RB1: variants seen among roughly 807,000 people sequenced by gnomAD.
The protein encoded by RB1 is RB transcriptional corepressor 1, also known as retinoblastoma-associated protein.
RB1 carries 18 observed loss-of-function variants against 135.4 expected under a neutral mutation model. That is an observed-to-expected ratio of 0.13 (90% CI 0.09 to 0.20). The LOEUF (loss-of-function observed/expected upper bound fraction) is 0.20, where lower values mean the gene tolerates loss of function less well. RB1 is among the 10% of genes least tolerant of loss of function. The pLI, the probability that RB1 is intolerant of heterozygous loss-of-function variation, is 1.00. For missense variants in RB1, 868 were observed against 1,110.0 expected (o/e 0.78, Z 3.10); for synonymous variants, 365 against 373.2 (o/e 0.98, Z 0.25).
intron 17 of RB1, among the ~76,000 whole-genome samples, chr13:48,443,683 C>T (rs1949260030): frequency 1.3e-5 from 2 of 152,124 alleles, no homozygotes; most frequent in Non-Finnish European, 2.9e-5. Flanking sequence ...GTTTAGTGTT[C>T]AGGGCACCAA....
intron 2 of RB1, among the ~76,000 whole-genome samples, chr13:48,321,314 C>G (rs982567417): frequency 6.9e-6 from 1 of 145,850 alleles, no homozygotes; most frequent in Non-Finnish European, 1.5e-5. Flanking sequence ...GCTTATTTCA[C>G]TTAGCATAAT....
chr13:48,412,251 T>C (rs748857151), intron 17 of RB1: 1 of 1,614,104 alleles, frequency 6.2e-7, no homozygotes, highest in Non-Finnish European at 8.5e-7. Flanking sequence ...CATTGCCAAG[T>C]TAATCATGTA....
At chr13:48,410,211 A>G (rs1948781258) in intron 17 of RB1, among the ~76,000 whole-genome samples, 1 of 152,244 alleles carries the variant, frequency 6.6e-6, no homozygotes, top group South Asian at 2.1e-4. Context: ...CAATGACCGC[A>G]TAAACGATGG....
At chr13:48,439,981 TAA>T (rs906395755) in intron 17 of RB1, among the ~76,000 whole-genome samples, 22 of 152,118 alleles carry the variant, frequency 1.4e-4, no homozygotes, top group African/African-American at 4.8e-4. Context: ...CATATATACA[TAA>T]GTCTAAATAT....
chr13:48,313,492 G>GT (rs934938838), intron 2 of RB1, among the ~76,000 whole-genome samples: 4 of 145,898 alleles, frequency 2.7e-5, no homozygotes, highest in Non-Finnish European at 6.0e-5. Context: ...AAGTCATATG[G>GT]TTTTTAGTTC....
At chr13:48,323,911 T>C (rs556988096) in intron 2 of RB1, among the ~76,000 whole-genome samples, 2 of 152,194 alleles carry the variant, frequency 1.3e-5, no homozygotes, top group Admixed American at 6.5e-5. Flanking sequence ...TGGGGGATAC[T>C]AACATTTTTC....
intron 12 of RB1, among the ~76,000 whole-genome samples, chr13:48,374,330 G>T (rs1269428084): frequency 6.6e-6 from 1 of 152,112 alleles, no homozygotes; most frequent in African/African-American, 2.4e-5. Context: ...CTCAGATGAG[G>T]ATTGGGACCC....
At chr13:48,392,039 G>C (rs1011469873) in intron 17 of RB1, among the ~76,000 whole-genome samples, 1 of 152,120 alleles carries the variant, frequency 6.6e-6, no homozygotes, top group Non-Finnish European at 1.5e-5. Context: ...TGAATTCTAG[G>C]TTGACAGTCT....
At chr13:48,386,139 C>T (rs1206552085) in intron 17 of RB1, among the ~76,000 whole-genome samples, 1 of 151,148 alleles carries the variant, frequency 6.6e-6, no homozygotes, top group African/African-American at 2.4e-5. Flanking sequence ...GACTCTGTCT[C>T]AAAAAAATAA....
chr13:48,456,470 A>G, intron 19 of RB1, 121 bp downstream of exon 19: 1 of 1,359,682 alleles, frequency 7.4e-7, no homozygotes, highest in Non-Finnish European at 1.0e-6. Context: ...TCTGTGTCTC[A>G]GTTTCCTCAT....
chr13:48,474,401 G>T (rs1949491410), intron 24 of RB1, among the ~76,000 whole-genome samples: 1 of 151,992 alleles, frequency 6.6e-6, no homozygotes, highest in Non-Finnish European at 1.5e-5. Flanking sequence ...GAAATTCGAA[G>T]GGTTTTAGGA....
intron 2 of RB1, chr13:48,327,985 A>AG: frequency 1.8e-6 from 1 of 569,082 alleles, no homozygotes; most frequent in Non-Finnish European, 3.2e-6. Flanking sequence ...AGAAAAAAAA[A>AG]GTGGCTCCAA....
chr13:48,409,020 G>A (rs1273102358), intron 17 of RB1, among the ~76,000 whole-genome samples: 1 of 151,736 alleles, frequency 6.6e-6, no homozygotes, highest in African/African-American at 2.4e-5. Flanking sequence ...ATTTACTGAA[G>A]TGTAATATCA....
At chr13:48,392,761 TCTC>T (rs1948620620) in intron 17 of RB1, among the ~76,000 whole-genome samples, 1 of 152,062 alleles carries the variant, frequency 6.6e-6, no homozygotes, top group African/African-American at 2.4e-5. Context: ...TCTCTCTCTC[TCTC>T]TCTTTTTTTT....
intron 17 of RB1, among the ~76,000 whole-genome samples, chr13:48,387,621 C>T (rs1034420290): frequency 1.3e-5 from 2 of 151,970 alleles, no homozygotes; most frequent in Non-Finnish European, 2.9e-5. Context: ...AAAATTGACT[C>T]ATTATTGTAG....
intron 2 of RB1, among the ~76,000 whole-genome samples, chr13:48,335,145 G>A (rs1275229471): frequency 4.0e-5 from 6 of 151,828 alleles, no homozygotes; most frequent in Non-Finnish European, 8.8e-5. Context: ...CAAAATATGT[G>A]CAGAACTTTT....
At chr13:48,320,688 G>A (rs569819123) in intron 2 of RB1, among the ~76,000 whole-genome samples, 3 of 152,032 alleles carry the variant, frequency 2.0e-5, no homozygotes, top group South Asian at 4.1e-4. Flanking sequence ...AAAATTAGCC[G>A]GGCGTGGTGG....
Position 48,319,964 on chromosome 13 carries a change from A to G in RB1, c.264+12558A>G. 2.8e-6 allele frequency: 1 copy of G among 359,236 alleles called. No homozygotes were observed. Among genetic ancestry groups the G allele is most frequent in the South Asian group, 3.5e-5 (1 of 28,776 alleles). The allele number at this position is 359,236 out of a possible 1,614,324, so 22.3% of individuals were successfully genotyped here. On this transcript the variant is annotated intron_variant, in intron 2 of 26. Transcript: ENST00000267163. The surrounding 1 kb of genome is among the most constrained non-coding windows in gnomAD (Gnocchi z 5.0). Reference sequence around the variant, plus strand: ...GGAAGTCGGGGCACTGCCGTGAGATAGTTCTGGCTTACATCTACTGCCACT... The same window carrying G: ...GGAAGTCGGGGCACTGCCGTGAGATGGTTCTGGCTTACATCTACTGCCACT...
intron 8 of RB1, among the ~76,000 whole-genome samples, chr13:48,363,659 C>A (rs897157095): frequency 6.6e-6 from 1 of 152,106 alleles, no homozygotes; most frequent in East Asian, 1.9e-4. Context: ...TTCTGTTTGG[C>A]CTTCTATAAT....
Sources: allele counts gnomAD v4.1 joint callset (sites outside exome capture counted in the v4.1 genomes callset), GRCh38; gene constraint gnomAD v4.1.1; non-coding constraint Gnocchi (gnomAD v3.1); transcripts MANE v1.5; gene names NCBI Gene and HGNC (gene_info 2026-07-23, HGNC 2026-07-21).